Variants in SHISA9 observed in about 807,000 individuals in gnomAD.
SHISA9 encodes protein shisa-9.
Under a neutral mutation model 38.0 loss-of-function variants are expected in SHISA9, and 13 were observed. That is an observed-to-expected ratio of 0.34 (90% confidence interval 0.22 to 0.54). SHISA9 has a LOEUF of 0.54. Ranked by LOEUF, SHISA9 falls within the 20% of genes least tolerant of loss-of-function variation. The probability of loss-of-function intolerance (pLI) is 0.91; values close to 1 mark genes in which losing one functional copy is unlikely to be tolerated. For missense variants in SHISA9, 538 were observed against 575.8 expected (o/e 0.93, Z 0.67); for synonymous variants, 275 against 242.0 (o/e 1.14, Z -1.27).
intron 2 of SHISA9, among the ~76,000 whole-genome samples, chr16:12,959,103 G>C (rs1338211492): frequency 2.0e-5 from 3 of 152,162 alleles, no homozygotes; most frequent in Non-Finnish European, 2.9e-5. Context: ...TTCCATAGAG[G>C]AGTGACATGA....
chr16:13,027,254 T>C (rs982060828), intron 2 of SHISA9, among the ~76,000 whole-genome samples: 3 of 152,242 alleles, frequency 2.0e-5, no homozygotes, highest in African/African-American at 7.2e-5. Flanking sequence ...TTCTTTCAGT[T>C]ATAGGCAGCA....
the SHISA9 span, among the ~76,000 whole-genome samples, chr16:13,532,738 C>T: frequency 2.0e-5 from 3 of 152,232 alleles, no homozygotes; most frequent in South Asian, 6.2e-4. Context: ...CTTTCAAGGC[C>T]ATGCCAAACC....
the SHISA9 span, among the ~76,000 whole-genome samples, chr16:13,437,756 G>C: frequency 2.6e-5 from 4 of 151,774 alleles, no homozygotes; most frequent in African/African-American, 9.7e-5. Context: ...CATGGGGAAA[G>C]GGATCCAAGG....
the SHISA9 span, among the ~76,000 whole-genome samples, chr16:13,309,642 C>CAAAAA: frequency 3.0e-5 from 2 of 65,874 alleles, no homozygotes; most frequent in African/African-American, 6.4e-5. Context: ...GACTCAGTCT[C>CAAAAA]AAAAAAAAAA....
chr16:12,951,435 C>T (rs887793373), intron 2 of SHISA9, among the ~76,000 whole-genome samples: 9 of 152,194 alleles, frequency 5.9e-5, no homozygotes, highest in Admixed American at 5.9e-4. Context: ...TGACTCCACT[C>T]TGCAGTTGCA....
At position 13,005,905 on chromosome 16, in the gene SHISA9, C is replaced by T. The variant is rs557502523; in HGVS notation, c.691+89090C>T. 1.7e-4 allele frequency among the ~76,000 whole-genome samples: 26 copies of T among 152,272 alleles called. No homozygotes were observed. In the East Asian group the frequency reaches 5.0e-3, roughly 29 times the overall value. ...CTGCCACATGGCGGTTCTTGGGTGACCTCGGCATATGAGCAGGGGAAGGTC... is the reference window on the plus strand; with the variant it reads ...CTGCCACATGGCGGTTCTTGGGTGATCTCGGCATATGAGCAGGGGAAGGTC... On this transcript the variant is annotated intron_variant, in intron 2 of 4. Coordinates refer to ENST00000558583, the MANE Select transcript of SHISA9 (RefSeq NM_001145204.3).
At chr16:13,397,329 T>C in the SHISA9 span, among the ~76,000 whole-genome samples, 1 of 152,140 alleles carries the variant, frequency 6.6e-6, no homozygotes, top group Non-Finnish European at 1.5e-5. Context: ...TGCAGACAGG[T>C]CCGCTGTGGG....
intron 2 of SHISA9, among the ~76,000 whole-genome samples, chr16:13,039,132 C>T (rs767441260): frequency 2.0e-5 from 3 of 152,172 alleles, no homozygotes; most frequent in Non-Finnish European, 4.4e-5. Context: ...TGGTCTCGAA[C>T]TCCTGACCTC....
chr16:13,526,256 T>C, the SHISA9 span, among the ~76,000 whole-genome samples: 1 of 152,236 alleles, frequency 6.6e-6, no homozygotes, highest in Non-Finnish European at 1.5e-5. Flanking sequence ...CAATACTTCC[T>C]GAGGACTTCA....
At chr16:13,041,913 G>A (rs754253510) in intron 2 of SHISA9, among the ~76,000 whole-genome samples, 15 of 152,182 alleles carry the variant, frequency 9.9e-5, no homozygotes, top group Admixed American at 7.9e-4. Flanking sequence ...GCACATATGA[G>A]TACCATCGAA....
the SHISA9 span, among the ~76,000 whole-genome samples, chr16:13,393,062 C>A: frequency 3.3e-5 from 5 of 152,192 alleles, no homozygotes; most frequent in Non-Finnish European, 7.3e-5. Flanking sequence ...TGATGGGAAC[C>A]AAATGGAGGC....
chr16:13,460,534 C>G, the SHISA9 span, among the ~76,000 whole-genome samples: 14 of 152,194 alleles, frequency 9.2e-5, no homozygotes, highest in African/African-American at 3.4e-4. Flanking sequence ...TGTAATTCCT[C>G]CAAAGCCCAT....
the SHISA9 span, among the ~76,000 whole-genome samples, chr16:13,270,022 C>G: frequency 6.6e-6 from 1 of 152,136 alleles, no homozygotes. Context: ...ATTATAATTA[C>G]TCTACCTGCC....
At chr16:13,361,434 A>C in the SHISA9 span, among the ~76,000 whole-genome samples, 1 of 152,172 alleles carries the variant, frequency 6.6e-6, no homozygotes, top group Non-Finnish European at 1.5e-5. Flanking sequence ...TTTCTCTATT[A>C]ACCTTCATTG....
At position 12,902,263 on chromosome 16, in the gene SHISA9, C is replaced by T; in HGVS notation, c.199C>T (p.Arg67Trp). The T allele has an allele frequency of 2.6e-6, 4 of 1,547,490 alleles. No homozygotes were observed. The highest frequency in any genetic ancestry group is 3.5e-6 in the Non-Finnish European group (4 of 1,146,810). Residue 67 changes from arginine to tryptophan, a missense_variant, in exon 1 of 5, where the codon CGG becomes TGG. Arg to Trp is a moderately radical substitution (Grantham distance 101). Coordinates refer to ENST00000558583, the MANE Select transcript of SHISA9 (RefSeq NM_001145204.3). ...GAEASDAPPT[R>W]APTPDFCRGY... ...TGAGGCATCGGACGCGCCCCCGACCCGGGCGCCCACGCCGGACTTCTGCCG... is the reference window on the plus strand; with the variant it reads ...TGAGGCATCGGACGCGCCCCCGACCTGGGCGCCCACGCCGGACTTCTGCCG...
chr16:13,536,007 T>C, the SHISA9 span, among the ~76,000 whole-genome samples: 1 of 151,910 alleles, frequency 6.6e-6, no homozygotes, highest in Non-Finnish European at 1.5e-5. Flanking sequence ...TTTTCTTTTT[T>C]TTTTTTTTTG....
Position 13,051,956 on chromosome 16 carries a change from G to A in SHISA9, c.691+135141G>A, listed in dbSNP as rs188392361. Among the ~76,000 whole-genome samples, 450 of 152,150 alleles carry A rather than the reference G, an allele frequency of 3.0e-3. 1 individual carries two copies. Among genetic ancestry groups the A allele is most frequent in the African/African-American group, 0.011 (436 of 41,510 alleles). On this transcript the variant is annotated intron_variant, in intron 2 of 4. Coordinates refer to ENST00000558583, the MANE Select transcript of SHISA9 (RefSeq NM_001145204.3). ...ATTTTTGTATTTTTAGTAGAGATGGGGTTTCACCATGTTGGCCAGGCTGGT... is the reference window on the plus strand; with the variant it reads ...ATTTTTGTATTTTTAGTAGAGATGGAGTTTCACCATGTTGGCCAGGCTGGT...
chr16:13,304,093 T>C, the SHISA9 span, among the ~76,000 whole-genome samples: 2,141 of 152,338 alleles, frequency 0.014, 57 homozygotes, highest in African/African-American at 0.048. Flanking sequence ...CTACAGCTTT[T>C]TTGTTTACCT....
the SHISA9 span, among the ~76,000 whole-genome samples, chr16:13,455,203 C>T: frequency 6.6e-6 from 1 of 152,138 alleles, no homozygotes; most frequent in East Asian, 1.9e-4. Context: ...CCCTTCTATG[C>T]CCTATTTCAC....
Sources: gnomAD v4.1 joint callset for allele counts (sites outside exome capture counted in the v4.1 genomes callset) on GRCh38, gnomAD v4.1.1 for gene constraint, MANE v1.5 for transcripts, NCBI Gene and HGNC (gene_info 2026-07-23, HGNC 2026-07-21) for gene names.